Variants in TMPRSS15 observed in about 807,000 individuals in gnomAD.
TMPRSS15 encodes the protein transmembrane serine protease 15.
Under a neutral mutation model 125.3 loss-of-function variants are expected in TMPRSS15, and 128 were observed. The ratio of observed to expected loss-of-function variants is 1.02; its 90% CI spans 0.89 to 1.18. The LOEUF is 1.18. Among genes scored for constraint, TMPRSS15 ranks in the 50% most tolerant of loss-of-function variants. The probability of loss-of-function intolerance (pLI) is 0.00; values close to 1 mark genes in which losing one functional copy is unlikely to be tolerated. For missense variants in TMPRSS15, 1,283 were observed against 1,212.7 expected (o/e 1.06, Z -0.86); for synonymous variants, 446 against 423.2 (o/e 1.05, Z -0.66).
intron 19 of TMPRSS15, among the ~76,000 whole-genome samples, chr21:18,296,609 T>C (rs2074910744): frequency 6.6e-6 from 1 of 152,210 alleles, no homozygotes; most frequent in Non-Finnish European, 1.5e-5. Context: ...ATAATTAACA[T>C]AAATGATTTT....
At position 18,343,567 on chromosome 21, in the gene TMPRSS15, C is replaced by T. The variant is rs1257917492; in HGVS notation, c.1367G>A (p.Gly456Glu). 1 of 1,613,416 alleles carries T rather than the reference C, an allele frequency of 6.2e-7. No individual in the cohort carries two copies. Among genetic ancestry groups the T allele is most frequent in the Non-Finnish European group, 8.5e-7 (1 of 1,179,498 alleles). ...NMEKTVFQKEGNYGDNWNYGQ... is the reference protein window; with the variant it reads ...NMEKTVFQKEENYGDNWNYGQ... ...ATAATTCCAATTGTCTCCATAATTT[C>T]CTTCCTTTTGGAAAACTGTCTTCTC... The change falls in exon 12 of 25, where the codon GGA becomes GAA. Residue 456 changes from glycine (G) to glutamate (E), a missense_variant. Coordinates refer to ENST00000284885, the MANE Select transcript of TMPRSS15 (RefSeq NM_002772.3).
At chr21:18,280,585 A>AAAAAAAACAAAC (rs2074683254) in intron 22 of TMPRSS15, among the ~76,000 whole-genome samples, 1 of 148,302 alleles carries the variant, frequency 6.7e-6, no homozygotes, top group African/African-American at 2.6e-5. Flanking sequence ...CAAAAAAAAA[A>AAAAAAAACAAAC]AAAAAAAAAA....
Position 18,356,485 on chromosome 21 carries a change from T to C in TMPRSS15, c.881-2622A>G, listed in dbSNP as rs142948614. Among the ~76,000 whole-genome samples the C allele has an allele frequency of 5.9e-3, 895 of 151,814 alleles. 14 individuals are homozygous for C. The highest frequency in any genetic ancestry group is 0.02 in the African/African-American group (834 of 41,494). ...CCTCTATTAGAAGAATTTATATTGG[T>C]GAGTTATTAAAAATAACCATAAAAT... On this transcript the variant is annotated intron_variant, in intron 8 of 24. Coordinates refer to ENST00000284885, the MANE Select transcript of TMPRSS15 (RefSeq NM_002772.3).
intron 1 of TMPRSS15, among the ~76,000 whole-genome samples, chr21:18,478,383 T>G (rs933449720): frequency 6.6e-6 from 1 of 151,986 alleles, no homozygotes; most frequent in African/African-American, 2.4e-5. Context: ...TTAAGACAAC[T>G]TTTCATTTTG....
intron 21 of TMPRSS15, among the ~76,000 whole-genome samples, chr21:18,290,234 A>T (rs996364630): frequency 3.3e-5 from 5 of 152,194 alleles, no homozygotes; most frequent in Non-Finnish European, 7.3e-5. Flanking sequence ...ATATATTTGT[A>T]GGTATATAAT....
rs1216305352 is a variant in TMPRSS15, at chr21:18,313,000, C to G, written c.2110G>C (p.Ala704Pro). Residue 704 changes from alanine (A) to proline (P), a missense_variant, in exon 18 of 25, where the codon GCT becomes CCT. Transcript: ENST00000284885. ...GAAATCTGGGTGGTCCAGTTCTCAG[C>G]ACAAGCTGTATGCCATATGCTCTGG... ...RIQSIWHTAC[A>P]ENWTTQISND... 1 of 1,613,912 alleles carries G rather than the reference C, an allele frequency of 6.2e-7. No homozygotes were observed. Among genetic ancestry groups the G allele is most frequent in the Non-Finnish European group, 8.5e-7 (1 of 1,179,968 alleles).
At chr21:18,326,377 C>T (rs544003035) in intron 16 of TMPRSS15, 55 bp downstream of exon 16, 19 of 1,611,478 alleles carry the variant, frequency 1.2e-5, no homozygotes, top group East Asian at 1.1e-4. Context: ...TTCTGTACAC[C>T]TTTGCTGTTT....
intron 13 of TMPRSS15, among the ~76,000 whole-genome samples, chr21:18,338,295 C>T (rs2075412863): frequency 6.6e-6 from 1 of 151,866 alleles, no homozygotes; most frequent in Non-Finnish European, 1.5e-5. Flanking sequence ...AATTTTTCTT[C>T]TTTATTATTT....
At chr21:18,365,643 T>TTTCCTCCCTTCC (rs2075724632) in intron 6 of TMPRSS15, among the ~76,000 whole-genome samples, 1 of 26,776 alleles carries the variant, frequency 3.7e-5, no homozygotes, top group African/African-American at 1.1e-4. Flanking sequence ...TCTCTCTCTT[T>TTTCCTCCCTTCC]TTCCTCCCTT....
At chr21:18,473,982 T>A (rs1978828699) in intron 1 of TMPRSS15, among the ~76,000 whole-genome samples, 1 of 152,188 alleles carries the variant, frequency 6.6e-6, no homozygotes, top group Admixed American at 6.5e-5. Flanking sequence ...TGTGATTGAC[T>A]ACAGATGGTA....
At chr21:18,368,910 T>C (rs1453806257) in intron 6 of TMPRSS15, among the ~76,000 whole-genome samples, 1 of 152,180 alleles carries the variant, frequency 6.6e-6, no homozygotes, top group Non-Finnish European at 1.5e-5. Context: ...GGCACTTTCT[T>C]ATACATTTTT....
intron 19 of TMPRSS15, among the ~76,000 whole-genome samples, chr21:18,296,044 T>G (rs183432274): frequency 4.5e-4 from 68 of 152,204 alleles, no homozygotes; most frequent in African/African-American, 1.6e-3. Flanking sequence ...CCCCAGCTAC[T>G]TGGGAGGCTG....
At chr21:18,403,870 G>A (rs1390867375), upstream of TMPRSS15, among the ~76,000 whole-genome samples, 1 of 152,118 alleles carries the variant, frequency 6.6e-6, no homozygotes, top group Non-Finnish European at 1.5e-5. Context: ...GCCTAGAGTT[G>A]TAAATGTTAA....
At chr21:18,448,439 A>C (rs2076260099) in intron 1 of TMPRSS15, among the ~76,000 whole-genome samples, 1 of 152,162 alleles carries the variant, frequency 6.6e-6, no homozygotes, top group East Asian at 1.9e-4. Context: ...CATTTCTTCT[A>C]CCTTTAAAGT....
At chr21:18,403,354 A>T (rs1280392149) in intron 1 of TMPRSS15, 124 bp downstream of exon 1, 12 of 1,266,378 alleles carry the variant, frequency 9.5e-6, no homozygotes, top group Non-Finnish European at 1.4e-5. Context: ...TTGAAATATT[A>T]GATTGAAAGC....
At chr21:18,304,949 C>T (rs963314646) in intron 18 of TMPRSS15, among the ~76,000 whole-genome samples, 8 of 152,002 alleles carry the variant, frequency 5.3e-5, no homozygotes, top group East Asian at 3.9e-4. Context: ...AAGTGTAAGC[C>T]GAAGTAGGAG....
At chr21:18,457,338 T>C (rs534565999) in intron 1 of TMPRSS15, among the ~76,000 whole-genome samples, 1 of 152,068 alleles carries the variant, frequency 6.6e-6, no homozygotes, top group Non-Finnish European at 1.5e-5. Flanking sequence ...AGAAAAAATA[T>C]TGGAGACACG....
chr21:18,324,438 G>GA (rs1185679316), intron 16 of TMPRSS15, among the ~76,000 whole-genome samples: 1 of 152,040 alleles, frequency 6.6e-6, no homozygotes, highest in Non-Finnish European at 1.5e-5. Flanking sequence ...GCTAACAAAG[G>GA]CCTCTAGTCA....
chr21:18,363,024 A>G (rs2075691771), intron 7 of TMPRSS15, among the ~76,000 whole-genome samples: 1 of 152,158 alleles, frequency 6.6e-6, no homozygotes, highest in Non-Finnish European at 1.5e-5. Flanking sequence ...GGTCCTGCTC[A>G]AAATATAGTT....
Sources: gnomAD v4.1 joint callset for allele counts (sites outside exome capture counted in the v4.1 genomes callset) on GRCh38, gnomAD v4.1.1 for gene constraint, MANE v1.5 for transcripts, NCBI Gene and HGNC (gene_info 2026-07-23, HGNC 2026-07-21) for gene names.